APAF1: variants seen among roughly 807,000 people sequenced by gnomAD.
APAF1 encodes the protein apoptotic peptidase activating factor 1.
APAF1 carries 91 observed loss-of-function variants against 152.4 expected under a neutral mutation model. That is an observed-to-expected ratio of 0.60 (90% CI 0.50 to 0.71). The LOEUF is 0.71. APAF1 is among the 30% of genes least tolerant of loss of function. The probability of loss-of-function intolerance (pLI) is 0.00; values close to 1 mark genes in which losing one functional copy is unlikely to be tolerated. For missense variants in APAF1, 1,283 were observed against 1,472.0 expected (o/e 0.87, Z 2.10); for synonymous variants, 484 against 494.1 (o/e 0.98, Z 0.27).
In APAF1 at chr12:98,723,622, T is replaced by G. The variant is rs2097746267; in HGVS notation, c.3205-17T>G. ...TTAAAAGTGTCAACCTCCAAGTGTTTTTTTTTTTTTTTTAAGGTATGGAAT... is the reference window on the plus strand; with the variant it reads ...TTAAAAGTGTCAACCTCCAAGTGTTGTTTTTTTTTTTTTAAGGTATGGAAT... On this transcript the variant is annotated splice_polypyrimidine_tract_variant and intron_variant, in intron 23 of 26. Transcript: ENST00000551964. 1.3e-6 allele frequency: 2 copies of G among 1,491,976 alleles called. No individual in the cohort carries two copies. The highest frequency in any genetic ancestry group is 1.8e-6 in the Non-Finnish European group (2 of 1,098,362). The allele number at this position is 1,491,976 out of a possible 1,614,324, so 92.4% of individuals were successfully genotyped here. A position where few individuals can be genotyped will look rare whatever the true frequency, so the allele number is the denominator to read the frequency against.
intron 22 of APAF1, among the ~76,000 whole-genome samples, 190 bp from the exon 23 acceptor site, chr12:98,723,003 G>A (rs1231967135): frequency 1.3e-5 from 2 of 152,014 alleles, no homozygotes; most frequent in African/African-American, 4.8e-5. Flanking sequence ...TTTGCCCCTA[G>A]TCAATTTACA....
chr12:98,703,669 G>A (rs1319237650), intron 18 of APAF1, among the ~76,000 whole-genome samples, 170 bp downstream of exon 18: 2 of 152,242 alleles, frequency 1.3e-5, no homozygotes, highest in African/African-American at 4.8e-5. Context: ...CACATAGCCA[G>A]CTTTATTATT....
At chr12:98,723,614 CA>C (rs779226780) in intron 23 of APAF1, 24 bp from the exon 24 acceptor site, 33 of 1,466,138 alleles carry the variant, frequency 2.3e-5, no homozygotes, top group Non-Finnish European at 2.8e-5. Context: ...TGTCAACCTC[CA>C]AGTGTTTTTT....
Position 98,662,471 on chromosome 12 carries a change from G to A in APAF1, c.726G>A (p.Leu242=), listed in dbSNP as rs749412360. The change falls in exon 6 of 27, where the codon TTG becomes TTA. Residue 242 remains leucine, a synonymous_variant. Transcript: ENST00000551964. The stretch of plus-strand genomic sequence containing the variant: ...TTTAAATTAGGTCTCTCTTGATCTT[G>A]GATGATGTTTGGGACTCTTGGGTGT... ...LRKHPRSLLI[L]DDVWDSWVLK... The A allele has an allele frequency of 3.1e-6, 5 of 1,612,192 alleles. No homozygotes were observed. Among genetic ancestry groups the A allele is most frequent in the Middle Eastern group, 1.6e-4 (1 of 6,064 alleles).
intron 16 of APAF1, among the ~76,000 whole-genome samples, chr12:98,693,099 A>G (rs1443589894): frequency 6.6e-6 from 1 of 151,572 alleles, no homozygotes; most frequent in Non-Finnish European, 1.5e-5. Context: ...TAAAAATTAT[A>G]TAGCAGTGTT....
chr12:98,728,319 C>T lies in APAF1; in HGVS notation c.3600+1003C>T, dbSNP rs73378465. Among the ~76,000 whole-genome samples, 889 of 152,244 alleles carry T rather than the reference C, an allele frequency of 5.8e-3. 10 individuals are homozygous for T. The highest frequency in any genetic ancestry group is 0.02 in the African/African-American group (849 of 41,554). ...GTATATGGCTTTATAGTTTACAAAA[C>T]GCTTCACTCCCCTCATCTTACTAGC... is the stretch of plus-strand genomic sequence containing the variant. On this transcript the variant is annotated intron_variant, in intron 26 of 26. Coordinates refer to ENST00000551964, the MANE Select transcript of APAF1 (RefSeq NM_181861.2).
intron 16 of APAF1, among the ~76,000 whole-genome samples, chr12:98,688,808 TTTTC>T (rs1218351053): frequency 2.6e-5 from 4 of 151,752 alleles, no homozygotes; most frequent in East Asian, 1.9e-4. Context: ...TACTCTTCTC[TTTTC>T]TTTCTTTCTT....
At position 98,671,403 on chromosome 12, in the gene APAF1, G is replaced by A. The variant is rs1030027091; in HGVS notation, c.1609-132G>A. The A allele has an allele frequency of 1.9e-5, 16 of 835,260 alleles. No homozygotes were observed. The Admixed American group carries it at 2.0e-4, about 10-fold the overall frequency. The allele number at this position is 835,260 out of a possible 1,614,324, so 51.7% of individuals were successfully genotyped here. ...GATTACTATATATTTGTTACTTAAT[G>A]GTTGGCTGTTCAATTTTAGTTCATA... On this transcript the variant is annotated intron_variant, in intron 11 of 26. Transcript: ENST00000551964.
chr12:98,661,791 A>G (rs895812278), intron 5 of APAF1, among the ~76,000 whole-genome samples: 4 of 151,922 alleles, frequency 2.6e-5, no homozygotes, highest in African/African-American at 9.7e-5. Context: ...ATAGTGTGTC[A>G]TTCAGACAAA....
intron 5 of APAF1, among the ~76,000 whole-genome samples, chr12:98,660,572 A>G (rs1219472441): frequency 1.3e-5 from 2 of 152,236 alleles, no homozygotes. Context: ...GGGAGACAGC[A>G]GTTTAGTTGC....
rs1025591413 is a variant in APAF1, at chr12:98,721,068, T to C, written c.3085-2125T>C. Among the ~76,000 whole-genome samples, 3 of 152,226 alleles carry C rather than the reference T, an allele frequency of 2.0e-5. No homozygotes were observed. In the South Asian group the frequency reaches 6.2e-4, roughly 32 times the overall value. ...AAGTATATATACATTGCAAAAATAG[T>C]CAATGATAGAGACATCCCCAAACTC... On this transcript the variant is annotated intron_variant, in intron 22 of 26. Coordinates refer to ENST00000551964, the MANE Select transcript of APAF1 (RefSeq NM_181861.2).
intron 25 of APAF1, chr12:98,726,652 G>A (rs187443580): frequency 1.9e-5 from 3 of 154,568 alleles, no homozygotes; most frequent in East Asian, 1.9e-4. Flanking sequence ...CTGAGTTCGC[G>A]TCTTTGGATG....
intron 16 of APAF1, among the ~76,000 whole-genome samples, chr12:98,694,641 C>A (rs1167588363): frequency 6.6e-6 from 1 of 151,872 alleles, no homozygotes. Context: ...TATCTTTTAT[C>A]TTTTTATGGG....
At chr12:98,659,121 G>A (rs776681072) in intron 4 of APAF1, 39 bp from the exon 5 acceptor site, 64 of 1,597,940 alleles carry the variant, frequency 4.0e-5, no homozygotes, top group African/African-American at 5.4e-5. Flanking sequence ...GAGTACTCCT[G>A]TTGAAAGGCC....
chr12:98,703,579 A>G (rs2097718124), intron 18 of APAF1, 80 bp downstream of exon 18: 2 of 1,554,912 alleles, frequency 1.3e-6, no homozygotes, highest in African/African-American at 1.4e-5. Context: ...TTAAACCATT[A>G]ACTGCTGAGG....
intron 19 of APAF1, among the ~76,000 whole-genome samples, chr12:98,708,223 G>A (rs11836211): frequency 0.028 from 4,259 of 152,278 alleles, 203 homozygotes; most frequent in African/African-American, 0.097. Context: ...GGGATTACAG[G>A]TGTGAGCCCC....
At chr12:98,657,209 G>A (rs2097658886) in intron 4 of APAF1, among the ~76,000 whole-genome samples, 2 of 152,130 alleles carry the variant, frequency 1.3e-5, no homozygotes, top group Non-Finnish European at 2.9e-5. Flanking sequence ...TAATGCTATA[G>A]ACTTACCAAG....
intron 18 of APAF1, 54 bp from the exon 19 acceptor site, chr12:98,706,431 T>C: frequency 6.3e-7 from 1 of 1,595,896 alleles, no homozygotes; most frequent in Non-Finnish European, 8.6e-7. Context: ...ATATTTTTGC[T>C]CTCTTCAAAA....
chr12:98,732,340 G>C (rs2097763648), intron 26 of APAF1, 80 bp from the exon 27 acceptor site: 9 of 1,296,992 alleles, frequency 6.9e-6, no homozygotes, highest in Non-Finnish European at 8.9e-6. Context: ...GAGGAGATAG[G>C]GTAAAGGATC....
Sources: gnomAD v4.1 joint callset for allele counts (sites outside exome capture counted in the v4.1 genomes callset) on GRCh38, gnomAD v4.1.1 for gene constraint, MANE v1.5 for transcripts, NCBI Gene and HGNC (gene_info 2026-07-23, HGNC 2026-07-21) for gene names.